The following KHDRBS3 variants were observed in gnomAD, a reference collection of about 807,000 sequenced individuals.
KHDRBS3 encodes KH domain-containing, RNA-binding, signal transduction-associated protein 3.
In KHDRBS3, 23 loss-of-function variants were observed where a neutral mutation model predicts 45.6. The ratio of observed to expected loss-of-function variants is 0.50; its 90% CI spans 0.36 to 0.72. The LOEUF (loss-of-function observed/expected upper bound fraction) is 0.72, where lower values mean the gene tolerates loss of function less well. KHDRBS3 is among the 30% of genes least tolerant of loss of function. The probability of loss-of-function intolerance (pLI) is 0.00; values close to 1 mark genes in which losing one functional copy is unlikely to be tolerated. For synonymous variants in KHDRBS3, 162 were observed against 156.5 expected (o/e 1.04, Z -0.26); for missense variants, 352 against 424.8 (o/e 0.83, Z 1.51).
chr8:135,461,599 G>T (rs1456357838), intron 1 of KHDRBS3, among the ~76,000 whole-genome samples: 1 of 152,116 alleles, frequency 6.6e-6, no homozygotes, highest in East Asian at 1.9e-4. Flanking sequence ...TGCTAGTAGG[G>T]GATGTGCTGA....
chr8:135,529,748 A>G (rs980175624), intron 2 of KHDRBS3, among the ~76,000 whole-genome samples: 3 of 152,306 alleles, frequency 2.0e-5, no homozygotes, highest in East Asian at 1.9e-4. Flanking sequence ...TGTTTGTCAC[A>G]AAGCAGTAAA....
intron 7 of KHDRBS3, among the ~76,000 whole-genome samples, chr8:135,636,267 G>A (rs370673841): frequency 5.9e-5 from 9 of 152,096 alleles, no homozygotes; most frequent in African/African-American, 1.2e-4. Flanking sequence ...CACTTTTCCC[G>A]TCATCATACA....
chr8:135,527,615 A>G (rs1170600488), intron 2 of KHDRBS3, among the ~76,000 whole-genome samples: 2 of 152,252 alleles, frequency 1.3e-5, no homozygotes, highest in Non-Finnish European at 2.9e-5. Flanking sequence ...AAACTATTTC[A>G]GGAGAGGGAA....
At chr8:135,536,743 G>T (rs374269147) in intron 2 of KHDRBS3, among the ~76,000 whole-genome samples, 8 of 151,326 alleles carry the variant, frequency 5.3e-5, no homozygotes, top group African/African-American at 1.9e-4. Flanking sequence ...GGTGGATCAT[G>T]AGGTCAGGAG....
At position 135,516,216 on chromosome 8, in the gene KHDRBS3, A is replaced by C. The variant is rs147419451; in HGVS notation, c.89-5021A>C. On this transcript the variant is annotated intron_variant, in intron 1 of 8. Coordinates refer to ENST00000355849, the MANE Select transcript of KHDRBS3 (RefSeq NM_006558.3). ...CAGTGCAAAAGACAAAACATGGAAT[A>C]CTTGCATAGGACACTTACCATGAGT... Among the ~76,000 whole-genome samples, 842 of 152,344 alleles carry C rather than the reference A, an allele frequency of 5.5e-3. 8 individuals carry two copies. Among genetic ancestry groups the C allele is most frequent in the Non-Finnish European group, 9.0e-3 (613 of 68,028 alleles).
chr8:135,526,362 A>T (rs925453691), intron 2 of KHDRBS3, among the ~76,000 whole-genome samples: 2 of 151,982 alleles, frequency 1.3e-5, no homozygotes, highest in African/African-American at 2.4e-5. Flanking sequence ...ATAATTTAAA[A>T]ATTATAATTT....
chr8:135,613,079 C>T (rs940008758), intron 7 of KHDRBS3, among the ~76,000 whole-genome samples: 4 of 151,698 alleles, frequency 2.6e-5, no homozygotes, highest in African/African-American at 9.7e-5. Flanking sequence ...GTCCACAAGC[C>T]GCAGAGAGAG....
At chr8:135,526,518 T>C (rs1825196532) in intron 2 of KHDRBS3, among the ~76,000 whole-genome samples, 1 of 152,130 alleles carries the variant, frequency 6.6e-6, no homozygotes, top group African/African-American at 2.4e-5. Flanking sequence ...TGTTTCAAGC[T>C]AATATAGCAC....
chr8:135,551,220 A>G (rs1361596060), intron 4 of KHDRBS3, among the ~76,000 whole-genome samples: 2 of 152,050 alleles, frequency 1.3e-5, no homozygotes, highest in African/African-American at 4.8e-5. Flanking sequence ...TTCTTTTCCA[A>G]TATGGATGCC....
intron 2 of KHDRBS3, among the ~76,000 whole-genome samples, chr8:135,531,513 T>C (rs1193724670): frequency 6.6e-6 from 1 of 152,050 alleles, no homozygotes; most frequent in African/African-American, 2.4e-5. Flanking sequence ...TGAGAAACGA[T>C]TATATACGAA....
intron 7 of KHDRBS3, among the ~76,000 whole-genome samples, chr8:135,626,358 C>G (rs2131113251): frequency 6.6e-6 from 1 of 152,238 alleles, no homozygotes; most frequent in South Asian, 2.1e-4. Flanking sequence ...ATGGAGAAAC[C>G]TGCTTAAAAA....
chr8:135,506,862 T>C (rs1824024069), intron 1 of KHDRBS3, among the ~76,000 whole-genome samples: 1 of 149,354 alleles, frequency 6.7e-6, no homozygotes, highest in Admixed American at 6.7e-5. Flanking sequence ...CTAACCCTTT[T>C]TTTACATAAT....
chr8:135,467,069 G>T (rs1354661260), intron 1 of KHDRBS3, among the ~76,000 whole-genome samples: 1 of 152,214 alleles, frequency 6.6e-6, no homozygotes, highest in East Asian at 1.9e-4. Context: ...TGCATTGCAT[G>T]CCTGTATCAG....
At chr8:135,656,300 T>C (rs111303380) in exon 5 of KHDRBS3, 9 of 152,334 alleles carry the variant, frequency 5.9e-5, no homozygotes, top group South Asian at 2.1e-4. Context: ...ATGAATCCAC[T>C]TGGGAACTTG....
intron 1 of KHDRBS3, among the ~76,000 whole-genome samples, chr8:135,471,211 G>A (rs1426793512): frequency 6.6e-6 from 1 of 152,196 alleles, no homozygotes; most frequent in Non-Finnish European, 1.5e-5. Context: ...AAGGTCCATG[G>A]CAGAAAGTAG....
intron 1 of KHDRBS3, among the ~76,000 whole-genome samples, chr8:135,492,399 T>C (rs1823199509): frequency 6.6e-6 from 1 of 151,982 alleles, no homozygotes; most frequent in African/African-American, 2.4e-5. Context: ...TGGAGAAAGA[T>C]GTAAGATATA....
intron 5 of KHDRBS3, among the ~76,000 whole-genome samples, chr8:135,576,612 G>A (rs1285644298): frequency 6.6e-6 from 1 of 151,684 alleles, no homozygotes; most frequent in Non-Finnish European, 1.5e-5. Context: ...CTTACTTTCT[G>A]GCACTACACA....
At chr8:135,607,988 T>C (rs2131031911) in intron 7 of KHDRBS3, among the ~76,000 whole-genome samples, 1 of 152,338 alleles carries the variant, frequency 6.6e-6, no homozygotes, top group Middle Eastern at 3.4e-3. Flanking sequence ...TCTCAACTGG[T>C]CTTTGTTGGT....
chr8:135,609,551 TC>T lies in KHDRBS3; in HGVS notation c.890+2516del, dbSNP rs955919045. 3.9e-5 allele frequency among the ~76,000 whole-genome samples: 6 copies of T among 151,910 alleles called. 1 individual carries two copies. Among genetic ancestry groups the T allele is most frequent in the African/African-American group, 1.5e-4 (6 of 41,260 alleles). ...CTCAAGCAGTGTGCCCACCTTGGCCTCCAAAAGAGCTGGGATTACAGGTGTG... is the reference window on the plus strand; with the variant it reads ...CTCAAGCAGTGTGCCCACCTTGGCCTCAAAAGAGCTGGGATTACAGGTGTG... On this transcript the variant is annotated intron_variant, in intron 7 of 8. Transcript: ENST00000355849.
Sources: allele counts gnomAD v4.1 joint callset (sites outside exome capture counted in the v4.1 genomes callset), GRCh38; gene constraint gnomAD v4.1.1; transcripts MANE v1.5; gene names NCBI Gene and HGNC (gene_info 2026-07-23, HGNC 2026-07-21).